The following GUCY1A2 variants were observed in gnomAD, a reference collection of about 807,000 sequenced individuals.
The protein encoded by GUCY1A2 is guanylate cyclase 1 soluble subunit alpha 2.
In GUCY1A2, 27 loss-of-function variants were observed where a neutral mutation model predicts 63.5. The ratio of observed to expected loss-of-function variants is 0.43; its 90% CI spans 0.31 to 0.59. The LOEUF (loss-of-function observed/expected upper bound fraction) is 0.59, where lower values mean the gene tolerates loss of function less well. GUCY1A2 is among the 20% of genes least tolerant of loss of function. The pLI, the probability that GUCY1A2 is intolerant of heterozygous loss-of-function variation, is 0.11. For synonymous variants in GUCY1A2, 364 were observed against 343.5 expected (o/e 1.06, Z -0.66); for missense variants, 768 against 913.3 (o/e 0.84, Z 2.05).
chr11:106,699,542 C>T (rs1261379819), intron 7 of GUCY1A2, among the ~76,000 whole-genome samples: 1 of 152,036 alleles, frequency 6.6e-6, no homozygotes, highest in African/African-American at 2.4e-5. Flanking sequence ...TAGGAATTAT[C>T]GACATGAATA....
At chr11:106,790,117 A>G (rs750353307) in intron 5 of GUCY1A2, among the ~76,000 whole-genome samples, 1 of 152,180 alleles carries the variant, frequency 6.6e-6, no homozygotes, top group Non-Finnish European at 1.5e-5. Context: ...AGGCCCAGAG[A>G]TGCCATCTGA....
chr11:106,852,543 C>T (rs1403403480), intron 4 of GUCY1A2, among the ~76,000 whole-genome samples: 1 of 151,988 alleles, frequency 6.6e-6, no homozygotes, highest in East Asian at 1.9e-4. Context: ...TTATCAAATG[C>T]TTTTTCTGCA....
At chr11:106,690,033 A>G (rs1207805111) in intron 7 of GUCY1A2, among the ~76,000 whole-genome samples, 1 of 151,964 alleles carries the variant, frequency 6.6e-6, no homozygotes, top group African/African-American at 2.4e-5. Flanking sequence ...GATGCTGGCA[A>G]GGTTTTGGAG....
At chr11:106,789,971 G>A (rs1864629410) in intron 5 of GUCY1A2, among the ~76,000 whole-genome samples, 1 of 151,994 alleles carries the variant, frequency 6.6e-6, no homozygotes, top group Non-Finnish European at 1.5e-5. Flanking sequence ...GTACAACACT[G>A]GGTCTTGCTC....
intron 3 of GUCY1A2, among the ~76,000 whole-genome samples, chr11:106,961,730 T>C (rs923301953): frequency 6.6e-6 from 1 of 152,256 alleles, no homozygotes; most frequent in African/African-American, 2.4e-5. Context: ...ATATTATTGC[T>C]ATTTCCTTTC....
At chr11:106,709,791 AT>A in intron 6 of GUCY1A2, among the ~76,000 whole-genome samples, 1 of 113,622 alleles carries the variant, frequency 8.8e-6, no homozygotes, top group East Asian at 2.9e-4. Context: ...ATAGTTATAT[AT>A]TATATACACG....
At chr11:106,952,368 G>C (rs1448885798) in intron 3 of GUCY1A2, among the ~76,000 whole-genome samples, 1 of 152,126 alleles carries the variant, frequency 6.6e-6, no homozygotes, top group Non-Finnish European at 1.5e-5. Flanking sequence ...TCCTATCCAC[G>C]AGGATGGAAT....
At chr11:106,698,206 A>G (rs1389864114) in intron 7 of GUCY1A2, among the ~76,000 whole-genome samples, 2 of 142,060 alleles carry the variant, frequency 1.4e-5, no homozygotes, top group Non-Finnish European at 3.0e-5. Context: ...AGCAGCCTCC[A>G]TCTCCTAGGC....
chr11:106,859,489 T>C (rs1166103819), intron 4 of GUCY1A2, among the ~76,000 whole-genome samples: 1 of 152,158 alleles, frequency 6.6e-6, no homozygotes, highest in South Asian at 2.1e-4. Context: ...ATTTAATTAA[T>C]TGACTTCATA....
chr11:106,708,193 A>C (rs551010979), intron 7 of GUCY1A2, among the ~76,000 whole-genome samples: 60 of 152,146 alleles, frequency 3.9e-4, no homozygotes, highest in African/African-American at 1.3e-3. Flanking sequence ...GAAAATATTG[A>C]GATTTCTATT....
At chr11:106,740,075 T>A (rs1025311759) in intron 6 of GUCY1A2, among the ~76,000 whole-genome samples, 1 of 150,280 alleles carries the variant, frequency 6.7e-6, no homozygotes, top group African/African-American at 2.4e-5. Context: ...CTCAGCTCAC[T>A]GCAACCTCCG....
chr11:107,017,845 C>A lies in GUCY1A2; in HGVS notation c.211G>T (p.Ala71Ser). Residue 71 changes from alanine to serine, a missense_variant, in exon 1 of 8, where the codon GCT (alanine) becomes TCT (serine). Transcript: ENST00000526355. Reference protein sequence around the residue: ...PTPAASAAAAAATAGARRVQR... With the variant: ...PTPAASAAAASATAGARRVQR... ...ACCCTCCTGGCCCCGGCAGTGGCAG[C>A]GGCGGCGGCGGCAGAAGCAGCCGGG... The A allele has an allele frequency of 8.0e-7, 1 of 1,244,600 alleles. No individual in the cohort carries two copies. The highest frequency in any genetic ancestry group is 3.7e-5 in the South Asian group (1 of 26,816). 77.1% of individuals were successfully genotyped at this position (1,244,600 alleles called of 1,614,324 possible).
chr11:106,917,939 A>T lies in GUCY1A2; in HGVS notation c.1206+21521T>A, dbSNP rs1483850590. On this transcript the variant is annotated intron_variant, in intron 4 of 7. Transcript: ENST00000526355. ...GCACAGGTACCCTAAAACTTAAAGT[A>T]TAAAAAAAAAAAAAAGAAATTAGCA... Among the ~76,000 whole-genome samples the T allele has an allele frequency of 1.4e-5, 2 of 142,262 alleles. 1 individual carries two copies. The highest frequency in any genetic ancestry group is 1.4e-4 in the Admixed American group (2 of 14,240). The allele number at this position is 142,262 out of a possible 152,430, so 93.3% of individuals were successfully genotyped here. A position where few individuals can be genotyped will look rare whatever the true frequency, so the allele number is the denominator to read the frequency against.
chr11:106,853,679 G>T (rs149135605), intron 4 of GUCY1A2, among the ~76,000 whole-genome samples: 60 of 152,206 alleles, frequency 3.9e-4, no homozygotes, highest in African/African-American at 1.4e-3. Context: ...CACTGAAAAA[G>T]TATGTTCCTT....
At chr11:106,977,918 G>GAA (rs141732297) in intron 3 of GUCY1A2, among the ~76,000 whole-genome samples, 1 of 151,656 alleles carries the variant, frequency 6.6e-6, no homozygotes, top group Admixed American at 6.6e-5. Context: ...AAGACATTAG[G>GAA]AAAAAAAATA....
At chr11:106,748,598 T>C (rs1182233067) in intron 6 of GUCY1A2, among the ~76,000 whole-genome samples, 1 of 152,222 alleles carries the variant, frequency 6.6e-6, no homozygotes, top group African/African-American at 2.4e-5. Flanking sequence ...TCTAGAACCA[T>C]GGTACACATT....
intron 3 of GUCY1A2, among the ~76,000 whole-genome samples, chr11:106,941,388 G>T (rs1860750906): frequency 6.6e-6 from 1 of 152,172 alleles, no homozygotes; most frequent in Non-Finnish European, 1.5e-5. Flanking sequence ...GGGAATTTAT[G>T]TGCCAAAGAG....
At chr11:106,832,553 G>A (rs1859065792) in intron 4 of GUCY1A2, among the ~76,000 whole-genome samples, 1 of 152,080 alleles carries the variant, frequency 6.6e-6, no homozygotes, top group South Asian at 2.1e-4. Context: ...CTTGTCTGGA[G>A]CATGTCCTTT....
intron 4 of GUCY1A2, among the ~76,000 whole-genome samples, chr11:106,933,425 T>C (rs1860631289): frequency 6.6e-6 from 1 of 152,178 alleles, no homozygotes; most frequent in Non-Finnish European, 1.5e-5. Context: ...AGAATGGGTA[T>C]TATTAATAAG....
Sources: allele counts gnomAD v4.1 joint callset (sites outside exome capture counted in the v4.1 genomes callset), GRCh38; gene constraint gnomAD v4.1.1; transcripts MANE v1.5; gene names NCBI Gene and HGNC (gene_info 2026-07-23, HGNC 2026-07-21).